Variants in HERC1 observed in about 807,000 individuals in gnomAD.
HERC1 encodes the protein HECT and RLD domain containing E3 ubiquitin protein ligase family member 1.
A neutral mutation model predicts 554.3 loss-of-function variants in HERC1; 160 were observed. The ratio of observed to expected loss-of-function variants is 0.29; its 90% CI spans 0.25 to 0.33. The LOEUF is 0.33. Among genes scored for constraint, HERC1 ranks in the 10% least tolerant of loss-of-function variants. HERC1 has a pLI of 1.00. For synonymous variants in HERC1, 2,175 were observed against 2,131.7 expected (o/e 1.02, Z -0.56); for missense variants, 4,919 against 5,918.5 (o/e 0.83, Z 5.54).
rs911412437 is a variant in HERC1 at position 63,713,737 on chromosome 15, T to C, written c.4151-72A>G. 7.0e-5 allele frequency: 98 copies of C among 1,392,710 alleles called. No homozygotes were observed. In the African/African-American group the frequency reaches 1.2e-3, roughly 18 times the overall value. 86.3% of individuals were successfully genotyped at this position (1,392,710 alleles called of 1,614,324 possible). A position where few individuals can be genotyped will look rare whatever the true frequency, so the allele number is the denominator to read the frequency against. ...AGAGCAAAGAAAATAACAATAAAAA[T>C]AGTCAAAAAGTTTGGACCAAAAACT... On this transcript the variant is annotated intron_variant, in intron 22 of 77. Transcript: ENST00000443617.
chr15:63,645,215 T>G (rs2069272870), intron 56 of HERC1, 118 bp from the exon 57 acceptor site: 1 of 787,490 alleles, frequency 1.3e-6, no homozygotes, highest in Non-Finnish European at 2.1e-6. Context: ...TAAACTTATT[T>G]GTAGTACATA....
chr15:63,644,919 C>T (rs1478797779), intron 57 of HERC1, 73 bp downstream of exon 57: 3 of 1,163,998 alleles, frequency 2.6e-6, no homozygotes, highest in Non-Finnish European at 3.9e-6. Flanking sequence ...TTTTTAGTAA[C>T]CAAGGGAGAA....
At chr15:63,733,203 C>T (rs1377475196) in intron 13 of HERC1, 58 bp from the exon 14 acceptor site, 3 of 1,128,724 alleles carry the variant, frequency 2.7e-6, no homozygotes, top group South Asian at 1.3e-5. Flanking sequence ...GAAAAGAACA[C>T]AAAAGGATCC....
chr15:63,742,791 T>C (rs767413642), intron 12 of HERC1, among the ~76,000 whole-genome samples: 17 of 152,180 alleles, frequency 1.1e-4, no homozygotes, highest in Non-Finnish European at 1.8e-4. Flanking sequence ...ACTTTGAAAA[T>C]GGGATACATC....
chr15:63,650,061 C>A, intron 53 of HERC1, 136 bp from the exon 54 acceptor site: 1 of 635,954 alleles, frequency 1.6e-6, no homozygotes, highest in South Asian at 2.0e-5. Context: ...ATGAATAAGA[C>A]CATGAAGGCA....
chr15:63,637,072 G>C lies in HERC1; in HGVS notation c.12232+433C>G, dbSNP rs1421809019. The C allele has an allele frequency of 2.0e-5, 9 of 455,884 alleles. No homozygotes were observed. In the East Asian group the frequency reaches 3.5e-4, roughly 18 times the overall value. 28.2% of individuals were successfully genotyped at this position (455,884 alleles called of 1,614,324 possible). On this transcript the variant is annotated intron_variant, in intron 64 of 77. Transcript: ENST00000443617. Reference sequence around the variant, plus strand: ...GAGCAAGCCGGGGGCTTGTACAGTGGTTTCTCCAAAGGTGTTCTCTCTCCA... The same window carrying C: ...GAGCAAGCCGGGGGCTTGTACAGTGCTTTCTCCAAAGGTGTTCTCTCTCCA...
chr15:63,699,436 C>T (rs899592851), intron 25 of HERC1, among the ~76,000 whole-genome samples: 1 of 152,130 alleles, frequency 6.6e-6, no homozygotes, highest in Non-Finnish European at 1.5e-5. Context: ...TTACAAAGGG[C>T]AAGTTAAGAC....
intron 1 of HERC1, among the ~76,000 whole-genome samples, chr15:63,799,852 C>T (rs2076923031): frequency 6.6e-6 from 1 of 152,094 alleles, no homozygotes; most frequent in Non-Finnish European, 1.5e-5. Context: ...TACTCTAAAA[C>T]ATGGCCAGGT....
intron 75 of HERC1, 48 bp downstream of exon 75, chr15:63,616,382 C>A: frequency 6.3e-7 from 1 of 1,575,608 alleles, no homozygotes; most frequent in Non-Finnish European, 8.6e-7. Flanking sequence ...CTAGTCTGTG[C>A]ATATAGGACG....
chr15:63,805,027 C>G (rs780193461), intron 1 of HERC1, among the ~76,000 whole-genome samples: 4 of 152,158 alleles, frequency 2.6e-5, no homozygotes, highest in Non-Finnish European at 5.9e-5. Context: ...GGCAGTTTAT[C>G]ATAAACACAC....
Position 63,636,273 on chromosome 15 carries a change from GT to G in HERC1, c.12233-132del, listed in dbSNP as rs377344540. 0.17 allele frequency: 89,491 copies of G among 520,772 alleles called. 1,974 individuals are homozygous for G. Among genetic ancestry groups the G allele is most frequent in the African/African-American group, 0.22 (10,680 of 48,074 alleles). 32.3% of individuals were successfully genotyped at this position (520,772 alleles called of 1,614,324 possible). A position where few individuals can be genotyped will look rare whatever the true frequency, so the allele number is the denominator to read the frequency against. On this transcript the variant is annotated intron_variant, in intron 64 of 77. Coordinates refer to ENST00000443617, the MANE Select transcript of HERC1 (RefSeq NM_003922.4). ...TATGAAAATAAGAATAATTTCATTA[GT>G]TTTTTTTTTTTTTTTAGATGGAGTC...
intron 12 of HERC1, among the ~76,000 whole-genome samples, chr15:63,736,390 A>G (rs1304253539): frequency 6.6e-6 from 1 of 152,216 alleles, no homozygotes; most frequent in Non-Finnish European, 1.5e-5. Flanking sequence ...TCCTCACCAG[A>G]AGACTGTCAC....
intron 11 of HERC1, among the ~76,000 whole-genome samples, 154 bp downstream of exon 11, chr15:63,747,570 T>C (rs2075100426): frequency 6.6e-6 from 1 of 152,224 alleles, no homozygotes; most frequent in Non-Finnish European, 1.5e-5. Context: ...TATCTAAGTT[T>C]AGCTCTTTTC....
intron 50 of HERC1, among the ~76,000 whole-genome samples, chr15:63,654,936 A>T (rs550152069): frequency 6.6e-6 from 1 of 152,228 alleles, no homozygotes; most frequent in South Asian, 2.1e-4. Flanking sequence ...AGACTAAGAA[A>T]GCAGCAGAAA....
intron 3 of HERC1, among the ~76,000 whole-genome samples, chr15:63,760,542 C>A (rs2075579042): frequency 6.7e-6 from 1 of 149,728 alleles, no homozygotes; most frequent in Non-Finnish European, 1.5e-5. Flanking sequence ...AGAAAAAAAT[C>A]ATTTTGGAAC....
chr15:63,738,697 G>A (rs1329133354), intron 12 of HERC1, among the ~76,000 whole-genome samples: 1 of 152,152 alleles, frequency 6.6e-6, no homozygotes, highest in Non-Finnish European at 1.5e-5. Flanking sequence ...ACAAATAGCT[G>A]TAAACAGAAA....
chr15:63,769,313 T>C (rs1267311431), intron 2 of HERC1, among the ~76,000 whole-genome samples: 1 of 151,254 alleles, frequency 6.6e-6, no homozygotes, highest in Non-Finnish European at 1.5e-5. Context: ...CAGCTACTCA[T>C]GAGGCTGAGG....
chr15:63,807,982 A>G (rs1280667985), intron 1 of HERC1, among the ~76,000 whole-genome samples: 1 of 152,206 alleles, frequency 6.6e-6, no homozygotes, highest in East Asian at 1.9e-4. Flanking sequence ...CTACTTTGAA[A>G]ATAAATATTA....
At chr15:63,796,463 G>A (rs960740463) in intron 1 of HERC1, among the ~76,000 whole-genome samples, 14 of 152,108 alleles carry the variant, frequency 9.2e-5, no homozygotes, top group African/African-American at 2.7e-4. Context: ...AGTCCATTTC[G>A]CTTCTAACCT....
Sources: allele counts gnomAD v4.1 joint callset (sites outside exome capture counted in the v4.1 genomes callset), GRCh38; gene constraint gnomAD v4.1.1; transcripts MANE v1.5; gene names NCBI Gene and HGNC (gene_info 2026-07-23, HGNC 2026-07-21).